FARP1: variants seen among roughly 807,000 people sequenced by gnomAD.
The protein encoded by FARP1 is FERM, ARH/RhoGEF and pleckstrin domain protein 1, also known as FERM, ARHGEF and pleckstrin domain-containing protein 1.
Under a neutral mutation model 128.8 loss-of-function variants are expected in FARP1, and 52 were observed. The observed-to-expected ratio is 0.40, with a 90% CI of 0.32 to 0.51. The LOEUF is 0.51. Among genes scored for constraint, FARP1 ranks in the 20% least tolerant of loss-of-function variants. The pLI is 0.45. For synonymous variants in FARP1, 580 were observed against 551.8 expected, an observed-to-expected ratio of 1.05 and a Z score of -0.72; for missense variants, 1,333 against 1,367.9, an observed-to-expected ratio of 0.97 and a Z score of 0.40.
intron 2 of FARP1, among the ~76,000 whole-genome samples, chr13:98,311,317 C>T (rs1048075153): frequency 2.5e-4 from 38 of 152,276 alleles, no homozygotes; most frequent in African/African-American, 8.7e-4. Context: ...GGGATTTAAT[C>T]CCAGGTTTTT....
At chr13:98,309,153 C>T (rs6491415) in intron 2 of FARP1, among the ~76,000 whole-genome samples, 2,297 of 89,732 alleles carry the variant, frequency 0.026, 120 homozygotes, top group African/African-American at 0.096. Flanking sequence ...TTTAAGAGGC[C>T]TTTTTTTTTT....
At chr13:98,250,547 C>T (rs1883272888) in intron 2 of FARP1, among the ~76,000 whole-genome samples, 1 of 151,926 alleles carries the variant, frequency 6.6e-6, no homozygotes, top group Non-Finnish European at 1.5e-5. Context: ...ATGGTGAAAC[C>T]CCATCTCTGC....
chr13:98,167,179 C>T (rs929519245), intron 1 of FARP1, among the ~76,000 whole-genome samples: 2 of 152,164 alleles, frequency 1.3e-5, no homozygotes, highest in African/African-American at 4.8e-5. Context: ...TAGGAGGTTG[C>T]AAATATTTTT....
chr13:98,156,847 C>G (rs1876526973), intron 1 of FARP1, among the ~76,000 whole-genome samples: 2 of 152,244 alleles, frequency 1.3e-5, no homozygotes, highest in Non-Finnish European at 2.9e-5. Flanking sequence ...GCATGAGCCA[C>G]TGCACCTGGC....
chr13:98,272,754 T>A (rs1333920079), intron 2 of FARP1, among the ~76,000 whole-genome samples: 2 of 152,176 alleles, frequency 1.3e-5, no homozygotes, highest in African/African-American at 4.8e-5. Context: ...TGGCTTGAGC[T>A]CCTATCAGCT....
At position 98,340,080 on chromosome 13, in the gene FARP1, G is replaced by GTT. The variant is rs35285197; in HGVS notation, c.172-3671_172-3670dup. On this transcript the variant is annotated intron_variant, in intron 2 of 26. Coordinates refer to ENST00000319562, the MANE Select transcript of FARP1 (RefSeq NM_005766.4). Reference sequence around the variant, plus strand: ...CCATAAAGACATCCACTGTATATTAGTTTTTTTTTTTTAACTTTTTGAGAT... The same window carrying GTT: ...CCATAAAGACATCCACTGTATATTAGTTTTTTTTTTTTTTAACTTTTTGAGAT... Among the ~76,000 whole-genome samples the GTT allele has an allele frequency of 2.9e-4, 43 of 146,844 alleles. No homozygotes were observed. The East Asian group carries it at 4.6e-3, about 16-fold the overall frequency.
intron 1 of FARP1, among the ~76,000 whole-genome samples, chr13:98,158,259 T>TA (rs1481983002): frequency 1.3e-5 from 2 of 152,192 alleles, no homozygotes; most frequent in Non-Finnish European, 2.9e-5. Flanking sequence ...AGGAAAACCT[T>TA]AAATTTTTTT....
At chr13:98,229,112 A>C (rs1446488681) in intron 2 of FARP1, among the ~76,000 whole-genome samples, 1 of 152,228 alleles carries the variant, frequency 6.6e-6, no homozygotes, top group Non-Finnish European at 1.5e-5. Context: ...TGACATTCCA[A>C]GCAGAGAGCT....
chr13:98,364,171 A>G (rs925108557), intron 3 of FARP1, among the ~76,000 whole-genome samples: 2 of 152,260 alleles, frequency 1.3e-5, no homozygotes, highest in Non-Finnish European at 2.9e-5. Flanking sequence ...GTGTGCAGAA[A>G]TGCATAATTT....
rs776123722 is a variant in FARP1 at position 98,411,983 on chromosome 13, A to C, written c.1775A>C (p.His592Pro). The change falls in exon 16 of 27, where the codon CAC becomes CCC. Residue 592 changes from histidine (H) to proline (P), a missense_variant. His to Pro is a moderately conservative substitution (Grantham distance 77). Coordinates refer to ENST00000319562, the MANE Select transcript of FARP1 (RefSeq NM_005766.4). ...ATATTCCCGAATTTTGAACCTTTGC[A>C]CAAATTTCATACTAATTTTCTCAAG... Reference protein sequence around the residue: ...SLIFPNFEPLHKFHTNFLKEI... With the variant: ...SLIFPNFEPLPKFHTNFLKEI... The C allele has an allele frequency of 6.2e-7, 1 of 1,614,110 alleles. No individual in the cohort carries two copies. The highest frequency in any genetic ancestry group is 1.1e-5 in the South Asian group (1 of 91,084).
At chr13:98,429,563 C>G (rs917626399) in intron 17 of FARP1, among the ~76,000 whole-genome samples, 5 of 152,200 alleles carry the variant, frequency 3.3e-5, no homozygotes, top group African/African-American at 1.2e-4. Context: ...GGGACGGGTT[C>G]ATACAAGGAA....
intron 1 of FARP1, among the ~76,000 whole-genome samples, chr13:98,162,933 A>G (rs1484969487): frequency 2.0e-5 from 3 of 152,176 alleles, no homozygotes; most frequent in Non-Finnish European, 4.4e-5. Context: ...GAGAGCAAAA[A>G]ACAGAACTAC....
At chr13:98,393,559 A>G (rs1890393290) in intron 11 of FARP1, 84 bp from the exon 12 acceptor site, 2 of 1,095,992 alleles carry the variant, frequency 1.8e-6, no homozygotes, top group African/African-American at 3.1e-5. Flanking sequence ...ACGTCCAACA[A>G]AAGGACTTTT....
At chr13:98,301,133 C>T (rs1409240627) in intron 2 of FARP1, among the ~76,000 whole-genome samples, 5 of 152,202 alleles carry the variant, frequency 3.3e-5, no homozygotes, top group Non-Finnish European at 7.3e-5. Context: ...GGACAGTCCA[C>T]CCTGCCCCCA....
intron 6 of FARP1, chr13:98,382,422 C>T (rs1889919373): frequency 1.3e-5 from 2 of 152,266 alleles, no homozygotes; most frequent in South Asian, 4.1e-4. Flanking sequence ...GACGTCTCCA[C>T]CCTGATGCCA....
chr13:98,358,868 A>G (rs1489449210), intron 3 of FARP1, among the ~76,000 whole-genome samples: 2 of 151,962 alleles, frequency 1.3e-5, no homozygotes, highest in Admixed American at 6.6e-5. Context: ...CGATCTCCTG[A>G]CCTTGTGATT....
intron 3 of FARP1, among the ~76,000 whole-genome samples, chr13:98,364,401 T>C (rs1007024683): frequency 1.0e-3 from 153 of 152,312 alleles, no homozygotes; most frequent in African/African-American, 3.6e-3. Flanking sequence ...GAAATGGTAT[T>C]TAATTGTTTC....
intron 6 of FARP1, chr13:98,382,226 G>T (rs1466578703): frequency 6.6e-6 from 1 of 152,008 alleles, no homozygotes; most frequent in Non-Finnish European, 1.5e-5. Context: ...ACCCTGTCTT[G>T]GAAAAAATAA....
intron 5 of FARP1, among the ~76,000 whole-genome samples, chr13:98,371,825 G>A (rs1034710640): frequency 2.6e-5 from 4 of 152,206 alleles, no homozygotes; most frequent in African/African-American, 9.7e-5. Context: ...CAAAGCATAA[G>A]TGACTCTAGC....
Sources: allele counts gnomAD v4.1 joint callset (sites outside exome capture counted in the v4.1 genomes callset), GRCh38; gene constraint gnomAD v4.1.1; transcripts MANE v1.5; gene names NCBI Gene and HGNC (gene_info 2026-07-23, HGNC 2026-07-21).